Variants in AIG1 observed in about 807,000 individuals in gnomAD.
AIG1 encodes the protein androgen induced 1.
A neutral mutation model predicts 31.4 loss-of-function variants in AIG1; 23 were observed. The ratio of observed to expected loss-of-function variants is 0.73; its 90% confidence interval spans 0.53 to 1.04. The LOEUF is 1.04. Ranked by LOEUF, AIG1 falls within the 50% of genes least tolerant of loss-of-function variation. The pLI is 0.00. For synonymous variants in AIG1, 100 were observed against 110.5 expected, an observed-to-expected ratio of 0.90 and a Z score of 0.60; for missense variants, 274 against 295.0, an observed-to-expected ratio of 0.93 and a Z score of 0.52.
chr6:143,175,711 T>C (rs1434501278), intron 3 of AIG1, among the ~76,000 whole-genome samples: 2 of 152,208 alleles, frequency 1.3e-5, no homozygotes, highest in Non-Finnish European at 2.9e-5. Context: ...ATTCATATCC[T>C]GTATCAATTT....
chr6:143,154,207 G>GT (rs112310904), intron 2 of AIG1, among the ~76,000 whole-genome samples: 12 of 151,778 alleles, frequency 7.9e-5, no homozygotes, highest in Admixed American at 2.0e-4. Flanking sequence ...CTAAAGATAT[G>GT]TTTTTTTTCA....
At chr6:143,106,152 G>A (rs1780781944) in intron 1 of AIG1, among the ~76,000 whole-genome samples, 1 of 152,106 alleles carries the variant, frequency 6.6e-6, no homozygotes. Flanking sequence ...GATGTGACTG[G>A]TATTCTTATA....
rs1797249551 is a variant in AIG1, at chr6:143,280,224, A to G, written c.400-3886A>G. Among the ~76,000 whole-genome samples, 1 of 152,226 alleles carries G rather than the reference A, an allele frequency of 6.6e-6. No individual in the cohort carries two copies. The highest frequency in any genetic ancestry group is 1.5e-5 in the Non-Finnish European group (1 of 68,038). On this transcript the variant is annotated intron_variant, in intron 3 of 5. Transcript: ENST00000357847. The surrounding 1 kb of genome is among the most constrained non-coding windows in gnomAD (Gnocchi z 4.1). ...TAGAAAGCTCTGACTTTCAAAAAGT[A>G]ACAGATGCTGGTGAGGTTGCGAAGA... is the stretch of plus-strand genomic sequence containing the variant.
intron 4 of AIG1, among the ~76,000 whole-genome samples, chr6:143,320,292 T>C (rs1347631329): frequency 6.6e-6 from 1 of 152,202 alleles, no homozygotes; most frequent in East Asian, 1.9e-4. Flanking sequence ...GCAGCCATTA[T>C]GGAAAATAGT....
rs1776622747 is a variant in AIG1 at position 143,326,469 on chromosome 6, C to G, written c.516-6813C>G. Among the ~76,000 whole-genome samples the G allele has an allele frequency of 6.6e-6, 1 of 152,232 alleles. No individual in the cohort carries two copies. Among genetic ancestry groups the G allele is most frequent in the Admixed American group, 6.5e-5 (1 of 15,290 alleles). On this transcript the variant is annotated intron_variant, in intron 4 of 5. Coordinates refer to ENST00000357847, the MANE Select transcript of AIG1 (RefSeq NM_016108.4). The surrounding 1 kb of genome is among the most constrained non-coding windows in gnomAD (Gnocchi z 4.5). ...ATTCATTCTTCTAGTGTGTGACAGG[C>G]ATTCTGATAAGTGCTGAGGATCCAA...
chr6:143,223,484 TC>T (rs1236146905), intron 3 of AIG1, among the ~76,000 whole-genome samples: 2 of 151,024 alleles, frequency 1.3e-5, no homozygotes, highest in Admixed American at 1.3e-4. Flanking sequence ...TAATTTTTTT[TC>T]AAATGTAAAT....
intron 3 of AIG1, among the ~76,000 whole-genome samples, chr6:143,173,355 G>A (rs377630944): frequency 1.7e-4 from 26 of 152,162 alleles, no homozygotes; most frequent in East Asian, 9.6e-4. Context: ...GAGCTGCTGC[G>A]CCTAGACAGC....
rs1212575160 is a variant in AIG1 at position 143,165,155 on chromosome 6, T to G, written c.371T>G (p.Phe124Cys). ...EMIYPKLLDN[F>C]IPGWLNHGMH... ...ATATACCCGAAGCTGCTGGATAATT[T>G]TATCCCAGGGTGGCTGAATCACGGA... Residue 124 changes from phenylalanine (F) to cysteine (C), a missense_variant, in exon 3 of 6, where the codon TTT (phenylalanine) becomes TGT (cysteine). Physicochemically the swap from Phe to Cys is radical, Grantham distance 205. Around this residue, in one of 2 missense-constraint regions of AIG1, gnomAD observed 243 missense variants for 238.5 expected, o/e 1.02. Transcript: ENST00000357847. 2 of 1,613,562 alleles carry G rather than the reference T, an allele frequency of 1.2e-6. No homozygotes were observed. Among genetic ancestry groups the G allele is most frequent in the Admixed American group, 3.3e-5 (2 of 60,006 alleles).
intron 3 of AIG1, among the ~76,000 whole-genome samples, chr6:143,231,646 CTTAT>C (rs1320019860): frequency 1.3e-5 from 2 of 152,176 alleles, no homozygotes; most frequent in Non-Finnish European, 2.9e-5. Flanking sequence ...AATAGTATAT[CTTAT>C]TTAATTCAAC....
intron 3 of AIG1, among the ~76,000 whole-genome samples, chr6:143,250,852 A>G (rs1475806750): frequency 6.6e-6 from 1 of 152,154 alleles, no homozygotes; most frequent in African/African-American, 2.4e-5. Context: ...ATCATCAGCA[A>G]TCATTAGTGT....
chr6:143,178,576 C>A (rs1788411645), intron 3 of AIG1, among the ~76,000 whole-genome samples: 1 of 152,216 alleles, frequency 6.6e-6, no homozygotes, highest in African/African-American at 2.4e-5. Flanking sequence ...TCTCTGGGCT[C>A]TGAGCCGATC....
intron 3 of AIG1, among the ~76,000 whole-genome samples, chr6:143,173,415 T>C (rs1787833288): frequency 6.6e-6 from 1 of 152,190 alleles, no homozygotes; most frequent in Admixed American, 6.5e-5. Context: ...TTATTTCTTT[T>C]CTTCGGTTGG....
chr6:143,245,915 C>T (rs867833663), intron 3 of AIG1, among the ~76,000 whole-genome samples: 8 of 152,062 alleles, frequency 5.3e-5, no homozygotes, highest in Admixed American at 2.0e-4. Flanking sequence ...GTTTAGGGCA[C>T]GGTTGTCCCA....
At chr6:143,073,243 C>A (rs1482041544) in intron 1 of AIG1, among the ~76,000 whole-genome samples, 1 of 152,128 alleles carries the variant, frequency 6.6e-6, no homozygotes, top group Non-Finnish European at 1.5e-5. Flanking sequence ...TGTATATATA[C>A]ACTGCAGTTT....
intron 1 of AIG1, among the ~76,000 whole-genome samples, chr6:143,135,406 G>A (rs2128519652): frequency 1.3e-5 from 2 of 152,230 alleles, no homozygotes; most frequent in Admixed American, 1.3e-4. Context: ...TTCTAAGTAT[G>A]AAATTATTCC....
intron 2 of AIG1, among the ~76,000 whole-genome samples, chr6:143,146,749 C>G (rs145878009): frequency 6.6e-6 from 1 of 152,294 alleles, no homozygotes; most frequent in Non-Finnish European, 1.5e-5. Context: ...AGTAATTTCC[C>G]TTTAAGGAAG....
chr6:143,200,072 A>G (rs1790573630), intron 3 of AIG1, among the ~76,000 whole-genome samples: 1 of 152,178 alleles, frequency 6.6e-6, no homozygotes, highest in African/African-American at 2.4e-5. Context: ...TAAATCAGGA[A>G]GTAAAGAGGA....
In AIG1 at chr6:143,284,197, T is replaced by A; in HGVS notation, c.487T>A (p.Cys163Ser). 1 of 1,613,648 alleles carries A rather than the reference T, an allele frequency of 6.2e-7. No homozygotes were observed. Among genetic ancestry groups the A allele is most frequent in the South Asian group, 1.1e-5 (1 of 91,028 alleles). Residue 163 changes from cysteine (C) to serine (S), a missense_variant, in exon 4 of 6, where the codon TGT becomes AGT. Physicochemically the swap from Cys to Ser is moderately radical, Grantham distance 112. Coordinates refer to ENST00000357847, the MANE Select transcript of AIG1 (RefSeq NM_016108.4). The surrounding 1 kb of genome is among the most constrained non-coding windows in gnomAD (Gnocchi z 4.4). ...CAGGAGCAGCGGACTTACCGCCATA[T>A]GTACCTTCTCTGTTGGCTATATATT... ...PSRSSGLTAI[C>S]TFSVGYILWV... is the part of the protein sequence containing the mutation.
chr6:143,159,042 GT>G (rs760702355), intron 2 of AIG1, among the ~76,000 whole-genome samples: 12 of 152,178 alleles, frequency 7.9e-5, no homozygotes, highest in Non-Finnish European at 1.6e-4. Flanking sequence ...TTTCTGCCAG[GT>G]TCTAAAATAG....
Sources: gnomAD v4.1 joint callset for allele counts (sites outside exome capture counted in the v4.1 genomes callset) on GRCh38, gnomAD v4.1.1 for gene constraint, gnomAD v4.1.1 regional missense constraint, Gnocchi (gnomAD v3.1) non-coding constraint, MANE v1.5 for transcripts, NCBI Gene and HGNC (gene_info 2026-07-23, HGNC 2026-07-21) for gene names.